The following ACSS3 variants were observed in gnomAD, a reference collection of about 807,000 sequenced individuals.
The protein encoded by ACSS3 is acyl-CoA synthetase short-chain family member 3, mitochondrial.
In ACSS3, 64 loss-of-function variants were observed where a neutral mutation model predicts 84.2. The ratio of observed to expected loss-of-function variants is 0.76; its 90% CI spans 0.62 to 0.94. ACSS3 has a LOEUF of 0.94. Among genes scored for constraint, ACSS3 ranks in the 40% least tolerant of loss-of-function variants. The probability of loss-of-function intolerance (pLI) is 0.00; values close to 1 mark genes in which losing one functional copy is unlikely to be tolerated. For missense variants in ACSS3, 815 were observed against 867.6 expected, an observed-to-expected ratio of 0.94 and a Z score of 0.76; for synonymous variants, 317 against 310.1, an observed-to-expected ratio of 1.02 and a Z score of -0.23.
At chr12:81,118,548 A>G (rs1176949521) in intron 2 of ACSS3, among the ~76,000 whole-genome samples, 1 of 151,936 alleles carries the variant, frequency 6.6e-6, no homozygotes, top group South Asian at 2.1e-4. Flanking sequence ...GTGTAGGTGG[A>G]GGCATCTTGA....
intron 9 of ACSS3, among the ~76,000 whole-genome samples, chr12:81,215,502 A>G (rs2032877515): frequency 6.6e-6 from 1 of 152,194 alleles, no homozygotes; most frequent in Non-Finnish European, 1.5e-5. Flanking sequence ...AATTCTTCCC[A>G]TCATTCTAAA....
At chr12:81,121,658 T>TAATGAATGATATTGCTCTACTGGAGCTG (rs1884614675) in intron 2 of ACSS3, among the ~76,000 whole-genome samples, 2 of 152,096 alleles carry the variant, frequency 1.3e-5, no homozygotes, top group African/African-American at 4.8e-5. Context: ...TAATTTACTA[T>TAATGAATGATATTGCTCTACTGGAGCTG]AATGAATGAT....
rs114247260 is a variant in ACSS3, at chr12:81,219,298, A to G, written c.1451-715A>G. ...TAAAACAAAGTGCTCCAGGAACACA[A>G]AGAAGGGAACAATTAATTTTTTTCT... On this transcript the variant is annotated intron_variant, in intron 10 of 15. Coordinates refer to ENST00000548058, the MANE Select transcript of ACSS3 (RefSeq NM_024560.4). Among the ~76,000 whole-genome samples the G allele has an allele frequency of 8.3e-3, 1,259 of 152,244 alleles. 24 individuals are homozygous for G. Among genetic ancestry groups the G allele is most frequent in the African/African-American group, 0.029 (1,202 of 41,560 alleles).
At chr12:81,228,532 C>G (rs1476978734) in intron 11 of ACSS3, among the ~76,000 whole-genome samples, 1 of 151,816 alleles carries the variant, frequency 6.6e-6, no homozygotes, top group African/African-American at 2.4e-5. Context: ...AATATATTCT[C>G]TCTATTACAA....
At chr12:81,138,121 T>C (rs1885904436) in intron 3 of ACSS3, among the ~76,000 whole-genome samples, 1 of 152,186 alleles carries the variant, frequency 6.6e-6, no homozygotes, top group Non-Finnish European at 1.5e-5. Flanking sequence ...AAATCAGAAT[T>C]CAGGAATACA....
chr12:81,213,957 C>CTTTCTTTCTTTCTT (rs1165408959), intron 9 of ACSS3, among the ~76,000 whole-genome samples: 46 of 49,136 alleles, frequency 9.4e-4, no homozygotes, highest in African/African-American at 2.2e-3. Context: ...CTCCCTCTCT[C>CTTTCTTTCTTTCTT]TCTTTCTTTC....
chr12:81,090,202 C>T (rs190323915), intron 1 of ACSS3, among the ~76,000 whole-genome samples: 144 of 152,060 alleles, frequency 9.5e-4, no homozygotes, highest in African/African-American at 3.4e-3. Flanking sequence ...TTTTTGATTT[C>T]GTCGCCTTTC....
At chr12:81,215,484 C>CAGAGTGGA (rs1482134396) in intron 9 of ACSS3, among the ~76,000 whole-genome samples, 2 of 152,118 alleles carry the variant, frequency 1.3e-5, no homozygotes, top group Non-Finnish European at 2.9e-5. Flanking sequence ...AGGTAAAGAG[C>CAGAGTGGA]AGTAATAAAT....
intron 1 of ACSS3, chr12:81,104,959 C>G (rs569461643): frequency 6.6e-6 from 1 of 152,288 alleles, no homozygotes; most frequent in Admixed American, 6.5e-5. Flanking sequence ...TGGGCTTCAG[C>G]ATAACCATCA....
At chr12:81,225,727 T>C (rs1434548324) in intron 11 of ACSS3, among the ~76,000 whole-genome samples, 1 of 151,940 alleles carries the variant, frequency 6.6e-6, no homozygotes, top group Non-Finnish European at 1.5e-5. Context: ...AGTGCTAGGA[T>C]CTCCACGTGT....
chr12:81,186,156 A>G (rs76581181), intron 8 of ACSS3, among the ~76,000 whole-genome samples: 9,192 of 151,850 alleles, frequency 0.061, 348 homozygotes, highest in African/African-American at 0.096. Flanking sequence ...GGGTTTCCAC[A>G]TATAAAAGAA....
chr12:81,109,245 A>G (rs1456006183), intron 1 of ACSS3, among the ~76,000 whole-genome samples: 4 of 152,172 alleles, frequency 2.6e-5, no homozygotes, highest in Non-Finnish European at 5.9e-5. Flanking sequence ...TATTTCATCT[A>G]TGTAAAAAGG....
intron 5 of ACSS3, among the ~76,000 whole-genome samples, chr12:81,145,267 A>G (rs1211449977): frequency 6.6e-6 from 1 of 151,870 alleles, no homozygotes; most frequent in Non-Finnish European, 1.5e-5. Context: ...GCCTAAATGG[A>G]AGATCCTTTG....
intron 11 of ACSS3, among the ~76,000 whole-genome samples, chr12:81,224,081 A>G (rs780722336): frequency 5.9e-5 from 9 of 151,822 alleles, no homozygotes; most frequent in Non-Finnish European, 1.2e-4. Context: ...CTCTAAGAGG[A>G]CTCTCAATTC....
intron 7 of ACSS3, among the ~76,000 whole-genome samples, chr12:81,162,021 A>G (rs1887177890): frequency 2.0e-5 from 3 of 152,186 alleles, no homozygotes; most frequent in Admixed American, 6.5e-5. Context: ...TCAAAGGGCC[A>G]CAGCCCTTCT....
chr12:81,107,927 G>C (rs1883214547), intron 1 of ACSS3, among the ~76,000 whole-genome samples: 2 of 151,958 alleles, frequency 1.3e-5, no homozygotes, highest in Admixed American at 6.6e-5. Flanking sequence ...AGTGGTGCAG[G>C]AGAGCTAGCC....
intron 10 of ACSS3, among the ~76,000 whole-genome samples, chr12:81,219,412 AGAT>A (rs912650005): frequency 2.1e-4 from 32 of 152,266 alleles, no homozygotes; most frequent in African/African-American, 7.5e-4. Flanking sequence ...AAAGCCTAAA[AGAT>A]GATGACTTAT....
At chr12:81,202,640 C>G (rs928613749) in intron 9 of ACSS3, among the ~76,000 whole-genome samples, 3 of 152,052 alleles carry the variant, frequency 2.0e-5, no homozygotes, top group Non-Finnish European at 4.4e-5. Context: ...TTTTTACATA[C>G]TTGCACACTT....
At chr12:81,116,231 T>G (rs1884034258) in intron 2 of ACSS3, among the ~76,000 whole-genome samples, 1 of 152,078 alleles carries the variant, frequency 6.6e-6, no homozygotes, top group Admixed American at 6.6e-5. Flanking sequence ...CTTTACAACT[T>G]ACTAAAATTT....
Sources: allele counts gnomAD v4.1 joint callset (sites outside exome capture counted in the v4.1 genomes callset), GRCh38; gene constraint gnomAD v4.1.1; transcripts MANE v1.5; gene names NCBI Gene and HGNC (gene_info 2026-07-23, HGNC 2026-07-21).